The following PDS5B variants were observed in gnomAD, a reference collection of about 807,000 sequenced individuals.
PDS5B encodes the protein sister chromatid cohesion protein PDS5 homolog B.
A neutral mutation model predicts 184.1 loss-of-function variants in PDS5B; 51 were observed. That is an observed-to-expected ratio of 0.28 (90% confidence interval 0.22 to 0.35). The LOEUF is 0.35. Ranked by LOEUF, PDS5B falls within the 10% of genes least tolerant of loss-of-function variation. PDS5B has a pLI of 1.00. For synonymous variants in PDS5B, 566 were observed against 569.2 expected (o/e 0.99, Z 0.08); for missense variants, 1,180 against 1,723.3 (o/e 0.68, Z 5.58).
At chr13:32,760,229 A>G (rs1954333479) in intron 29 of PDS5B, among the ~76,000 whole-genome samples, 1 of 152,248 alleles carries the variant, frequency 6.6e-6, no homozygotes, top group African/African-American at 2.4e-5. Flanking sequence ...TGCTGGGATT[A>G]CAGGCGTGAG....
intron 6 of PDS5B, among the ~76,000 whole-genome samples, chr13:32,663,276 A>G (rs993096432): frequency 1.3e-5 from 2 of 151,966 alleles, no homozygotes; most frequent in Non-Finnish European, 2.9e-5. Flanking sequence ...TCCATAACTC[A>G]TTTTATGAGC....
At chr13:32,758,723 TC>T in intron 28 of PDS5B, 70 bp downstream of exon 28, 1 of 1,467,872 alleles carries the variant, frequency 6.8e-7, no homozygotes, top group South Asian at 1.2e-5. Context: ...TGTAGGAAGA[TC>T]AGGAAGGATC....
intron 1 of PDS5B, among the ~76,000 whole-genome samples, chr13:32,599,283 A>C (rs1001721736): frequency 6.6e-6 from 1 of 151,210 alleles, no homozygotes; most frequent in African/African-American, 2.4e-5. Context: ...TTTTTTTGCG[A>C]GATTGCATCT....
intron 10 of PDS5B, 59 bp from the exon 11 acceptor site, chr13:32,683,819 G>A: frequency 8.8e-7 from 1 of 1,139,784 alleles, no homozygotes; most frequent in South Asian, 1.4e-5. Context: ...GTATCATGCA[G>A]TGTTTTAAAA....
At chr13:32,641,579 C>T (rs975141560) in intron 1 of PDS5B, among the ~76,000 whole-genome samples, 3 of 152,026 alleles carry the variant, frequency 2.0e-5, no homozygotes, top group South Asian at 4.2e-4. Flanking sequence ...ACATTTTTTC[C>T]GTAGATTTTT....
Position 32,687,986 on chromosome 13 carries a change from G to A in PDS5B, c.1356-470G>A, listed in dbSNP as rs531953771. On this transcript the variant is annotated intron_variant, in intron 12 of 34. Coordinates refer to ENST00000315596, the MANE Select transcript of PDS5B (RefSeq NM_015032.4). Reference sequence around the variant, plus strand: ...ATAAAATTGAAGTTGTACTTCTTGAGGGTATGGCATCAGTGCACAAAGAAT... The same window carrying A: ...ATAAAATTGAAGTTGTACTTCTTGAAGGTATGGCATCAGTGCACAAAGAAT... 2.0e-5 allele frequency among the ~76,000 whole-genome samples: 3 copies of A among 152,250 alleles called. No homozygotes were observed. In the South Asian group the frequency reaches 6.2e-4, roughly 32 times the overall value.
intron 1 of PDS5B, among the ~76,000 whole-genome samples, chr13:32,646,369 G>GT (rs58539534): frequency 0.42 from 42,222 of 100,842 alleles, 9,596 homozygotes; most frequent in East Asian, 0.64. Context: ...TCATGGCTGT[G>GT]TTTTTTTTTT....
chr13:32,703,724 A>G (rs1951927397), intron 17 of PDS5B, among the ~76,000 whole-genome samples: 1 of 152,146 alleles, frequency 6.6e-6, no homozygotes, highest in Non-Finnish European at 1.5e-5. Context: ...GTGAATGTCC[A>G]TTTCATCTGA....
At position 32,632,776 on chromosome 13, in the gene PDS5B, T is replaced by TG. The variant is rs563155717; in HGVS notation, c.-19-15976dup. On this transcript the variant is annotated intron_variant, in intron 1 of 34. Transcript: ENST00000315596. ...AGCAGAAGAATGGATAAACAAAATG[T>TG]GGTATATACATATAATATTCAGTCA... 1.8e-3 allele frequency among the ~76,000 whole-genome samples: 267 copies of TG among 152,230 alleles called. 1 individual carries two copies. The highest frequency in any genetic ancestry group is 6.1e-3 in the African/African-American group (254 of 41,542).
intron 1 of PDS5B, among the ~76,000 whole-genome samples, chr13:32,600,582 A>G (rs1240678530): frequency 2.6e-5 from 4 of 152,220 alleles, no homozygotes; most frequent in South Asian, 2.1e-4. Context: ...CTCTACAAAA[A>G]TACAAAGATG....
chr13:32,676,229 G>A (rs1033602813), intron 9 of PDS5B, among the ~76,000 whole-genome samples: 1 of 152,130 alleles, frequency 6.6e-6, no homozygotes, highest in African/African-American at 2.4e-5. Context: ...CTTTAAGGCA[G>A]TGATTAATTC....
At chr13:32,600,333 CATCAT>C (rs1186278876) in intron 1 of PDS5B, among the ~76,000 whole-genome samples, 3 of 152,100 alleles carry the variant, frequency 2.0e-5, no homozygotes. Flanking sequence ...GGATATGATA[CATCAT>C]ATCTCTAAAC....
At chr13:32,666,242 G>A (rs1041091226) in intron 6 of PDS5B, among the ~76,000 whole-genome samples, 5 of 152,038 alleles carry the variant, frequency 3.3e-5, no homozygotes, top group East Asian at 3.9e-4. Flanking sequence ...CACCACGCCC[G>A]GCTGATTTTA....
At chr13:32,721,995 C>G (rs1952730095) in intron 19 of PDS5B, among the ~76,000 whole-genome samples, 1 of 152,254 alleles carries the variant, frequency 6.6e-6, no homozygotes. Context: ...CTTTGGGAGG[C>G]CAAGGCAGGC....
chr13:32,733,422 T>C (rs993130744), intron 20 of PDS5B, among the ~76,000 whole-genome samples: 7 of 152,194 alleles, frequency 4.6e-5, no homozygotes, highest in South Asian at 2.1e-4. Context: ...ACCAAACTTA[T>C]AATCTAATTG....
intron 9 of PDS5B, among the ~76,000 whole-genome samples, chr13:32,676,932 C>CAAAAAAAAAAAA (rs4057303): frequency 4.6e-4 from 36 of 78,820 alleles, no homozygotes; most frequent in African/African-American, 1.7e-3. Flanking sequence ...CTCTTGTCTC[C>CAAAAAAAAAAAA]AAAAAAAAAA....
At chr13:32,669,942 T>A (rs1950891077) in intron 7 of PDS5B, among the ~76,000 whole-genome samples, 1 of 152,158 alleles carries the variant, frequency 6.6e-6, no homozygotes, top group African/African-American at 2.4e-5. Context: ...TTAATCGTCT[T>A]GTAGTAGGGT....
chr13:32,738,256 C>T (rs915883309), intron 21 of PDS5B, among the ~76,000 whole-genome samples: 11 of 152,026 alleles, frequency 7.2e-5, no homozygotes, highest in African/African-American at 1.9e-4. Flanking sequence ...TGATGAATCA[C>T]GGTATATAGA....
intron 1 of PDS5B, among the ~76,000 whole-genome samples, chr13:32,638,547 C>T (rs1310691590): frequency 6.6e-6 from 1 of 152,118 alleles, no homozygotes; most frequent in Non-Finnish European, 1.5e-5. Flanking sequence ...GAGGACAATA[C>T]CTGAGGCAGG....
Sources: allele counts gnomAD v4.1 joint callset (sites outside exome capture counted in the v4.1 genomes callset), GRCh38; gene constraint gnomAD v4.1.1; transcripts MANE v1.5; gene names NCBI Gene and HGNC (gene_info 2026-07-23, HGNC 2026-07-21).